NEGR1: variants seen among roughly 807,000 people sequenced by gnomAD.
The protein encoded by NEGR1 is IgLON family member 4.
NEGR1 carries 10 observed loss-of-function variants against 40.9 expected under a neutral mutation model. The ratio of observed to expected loss-of-function variants is 0.24; its 90% confidence interval spans 0.15 to 0.42. NEGR1 has a LOEUF of 0.42. Among genes scored for constraint, NEGR1 ranks in the 10% least tolerant of loss-of-function variants. NEGR1 has a pLI of 1.00. For synonymous variants in NEGR1, 185 were observed against 166.8 expected, an observed-to-expected ratio of 1.11 and a Z score of -0.84; for missense variants, 352 against 438.9, an observed-to-expected ratio of 0.80 and a Z score of 1.77.
intron 1 of NEGR1, among the ~76,000 whole-genome samples, chr1:71,990,617 C>T (rs1646440565): frequency 6.6e-6 from 1 of 151,882 alleles, no homozygotes; most frequent in Non-Finnish European, 1.5e-5. Flanking sequence ...TCATTTACTC[C>T]TGGTAAAATG....
At chr1:71,717,256 C>G (rs1472041402) in intron 3 of NEGR1, among the ~76,000 whole-genome samples, 1 of 152,246 alleles carries the variant, frequency 6.6e-6, no homozygotes, top group Non-Finnish European at 1.5e-5. Flanking sequence ...ATAGTTCCAG[C>G]TACAGAAGTT....
intron 1 of NEGR1, among the ~76,000 whole-genome samples, chr1:71,979,035 G>T (rs1288733387): frequency 6.6e-6 from 1 of 152,050 alleles, no homozygotes; most frequent in Non-Finnish European, 1.5e-5. Context: ...TAAAAAAAAA[G>T]AATGAAACCA....
intron 1 of NEGR1, among the ~76,000 whole-genome samples, chr1:72,053,585 C>T (rs187427823): frequency 6.6e-6 from 1 of 150,858 alleles, no homozygotes; most frequent in East Asian, 2.0e-4. Flanking sequence ...TTCACTTGAT[C>T]CATTCTTTAA....
intron 1 of NEGR1, among the ~76,000 whole-genome samples, chr1:72,254,138 C>A (rs540987549): frequency 3.8e-4 from 58 of 152,304 alleles, no homozygotes; most frequent in African/African-American, 1.3e-3. Flanking sequence ...GTTTCTATAT[C>A]ACATGTACTA....
chr1:72,163,351 T>A (rs2100379603), intron 1 of NEGR1, among the ~76,000 whole-genome samples: 1 of 152,300 alleles, frequency 6.6e-6, no homozygotes, highest in South Asian at 2.1e-4. Flanking sequence ...AATCTTTTTA[T>A]TAACTACTGT....
chr1:72,233,503 T>C (rs986505614), intron 1 of NEGR1, among the ~76,000 whole-genome samples: 3 of 152,068 alleles, frequency 2.0e-5, no homozygotes, highest in African/African-American at 7.2e-5. Context: ...ATGCTATGTG[T>C]ACCCAACACT....
intron 1 of NEGR1, among the ~76,000 whole-genome samples, chr1:72,274,330 T>C (rs1050687503): frequency 5.9e-5 from 9 of 152,036 alleles, no homozygotes; most frequent in Non-Finnish European, 1.3e-4. Context: ...GCCATAACAT[T>C]TGACATAACA....
chr1:71,916,398 T>TA (rs1359944375), intron 2 of NEGR1, among the ~76,000 whole-genome samples: 7 of 152,082 alleles, frequency 4.6e-5, no homozygotes, highest in African/African-American at 9.7e-5. Context: ...TAAAGATCCT[T>TA]AAAAAATACC....
At chr1:72,130,730 C>T (rs1481511405) in intron 1 of NEGR1, among the ~76,000 whole-genome samples, 1 of 152,178 alleles carries the variant, frequency 6.6e-6, no homozygotes, top group Non-Finnish European at 1.5e-5. Context: ...GCCATTCTGA[C>T]CTCCTCAGCC....
intron 1 of NEGR1, among the ~76,000 whole-genome samples, chr1:72,096,355 A>T (rs150092890): frequency 7.2e-4 from 109 of 152,290 alleles, no homozygotes; most frequent in African/African-American, 2.5e-3. Flanking sequence ...AAGAATCTCA[A>T]TAATGAATAA....
At chr1:71,953,519 A>C (rs1187736570) in intron 1 of NEGR1, among the ~76,000 whole-genome samples, 2 of 152,018 alleles carry the variant, frequency 1.3e-5, no homozygotes, top group African/African-American at 2.4e-5. Flanking sequence ...ACTATTACAA[A>C]AACTTATTTG....
intron 3 of NEGR1, among the ~76,000 whole-genome samples, chr1:71,704,552 A>G (rs1653821497): frequency 6.6e-6 from 1 of 151,844 alleles, no homozygotes; most frequent in South Asian, 2.1e-4. Flanking sequence ...GATTAAGTGT[A>G]CAAATTTTTT....
chr1:72,111,985 T>A (rs1432683228), intron 1 of NEGR1, among the ~76,000 whole-genome samples: 3 of 151,796 alleles, frequency 2.0e-5, no homozygotes, highest in Non-Finnish European at 4.4e-5. Flanking sequence ...GATCATTAAG[T>A]TCTTATAGTA....
intron 6 of NEGR1, among the ~76,000 whole-genome samples, chr1:71,520,042 T>A (rs907589096): frequency 6.6e-6 from 1 of 152,000 alleles, no homozygotes; most frequent in African/African-American, 2.4e-5. Flanking sequence ...TTCACAGAAT[T>A]TGTGGGTCCC....
At chr1:72,039,337 C>T (rs1296091326) in intron 1 of NEGR1, among the ~76,000 whole-genome samples, 1 of 151,814 alleles carries the variant, frequency 6.6e-6, no homozygotes, top group African/African-American at 2.4e-5. Flanking sequence ...TCAAAATTAC[C>T]AGGTAAGCAC....
chr1:71,693,393 T>G (rs1220490640), intron 4 of NEGR1, among the ~76,000 whole-genome samples: 1 of 151,630 alleles, frequency 6.6e-6, no homozygotes, highest in Non-Finnish European at 1.5e-5. Context: ...CAACAACTAT[T>G]TTTGGACACC....
At chr1:71,464,548 TA>T (rs1208581235) in intron 6 of NEGR1, among the ~76,000 whole-genome samples, 1 of 152,080 alleles carries the variant, frequency 6.6e-6, no homozygotes, top group Non-Finnish European at 1.5e-5. Flanking sequence ...AAATACCTGT[TA>T]AAAAATGGAA....
chr1:71,598,682 T>TAA (rs1279399925), intron 5 of NEGR1, among the ~76,000 whole-genome samples: 5 of 152,216 alleles, frequency 3.3e-5, no homozygotes, highest in Admixed American at 6.5e-5. Flanking sequence ...TCATAGTGTA[T>TAA]ATGTAGAATA....
chr1:71,427,038 C>G (rs775666648), intron 6 of NEGR1, among the ~76,000 whole-genome samples: 2 of 152,192 alleles, frequency 1.3e-5, no homozygotes, highest in Non-Finnish European at 2.9e-5. Flanking sequence ...TACTTTAGGT[C>G]TCTTTAGGCT....
Sources: allele counts gnomAD v4.1 joint callset (sites outside exome capture counted in the v4.1 genomes callset), GRCh38; gene constraint gnomAD v4.1.1; transcripts MANE v1.5; gene names NCBI Gene and HGNC (gene_info 2026-07-23, HGNC 2026-07-21).